The following UROC1 variants were observed in gnomAD, a reference collection of about 807,000 sequenced individuals.
UROC1 encodes urocanate hydratase 1.
In UROC1, 79 loss-of-function variants were observed where a neutral mutation model predicts 89.5. That is an observed-to-expected ratio of 0.88 (90% CI 0.74 to 1.06). The LOEUF (loss-of-function observed/expected upper bound fraction) is 1.06, where lower values mean the gene tolerates loss of function less well. Among genes scored for constraint, UROC1 ranks in the 50% least tolerant of loss-of-function variants. The pLI is 0.00. For missense variants in UROC1, 885 were observed against 907.8 expected, an observed-to-expected ratio of 0.97 and a Z score of 0.32; for synonymous variants, 361 against 354.8, an observed-to-expected ratio of 1.02 and a Z score of -0.20.
chr3:126,513,060 C>T (rs1009036585), intron 1 of UROC1, among the ~76,000 whole-genome samples: 18 of 152,196 alleles, frequency 1.2e-4, no homozygotes, highest in Admixed American at 7.2e-4. Context: ...GCCAGGCGCA[C>T]GCCTGTCCTG....
chr3:126,500,023 C>T, intron 12 of UROC1, 34 bp downstream of exon 12: 2 of 1,584,476 alleles, frequency 1.3e-6, no homozygotes, highest in South Asian at 2.2e-5. Flanking sequence ...AGGGTGGTGG[C>T]CCCTCCCTCC....
chr3:126,501,004 T>C, intron 10 of UROC1, 130 bp from the exon 11 acceptor site: 1 of 1,387,124 alleles, frequency 7.2e-7, no homozygotes, highest in Non-Finnish European at 1.0e-6. Flanking sequence ...AGCCAGACCC[T>C]GCTTTCCCCC....
chr3:126,497,539 G>A (rs1202837987), intron 14 of UROC1, among the ~76,000 whole-genome samples: 6 of 152,224 alleles, frequency 3.9e-5, no homozygotes, highest in Non-Finnish European at 8.8e-5. Context: ...GGGAGCATGT[G>A]GAGACAGCTT....
chr3:126,517,664 TTC>T lies in UROC1; in HGVS notation c.54_55del (p.Asn19ProfsTer65). 1 of 1,608,112 alleles carries T rather than the reference TTC, an allele frequency of 6.2e-7. No homozygotes were observed. Among genetic ancestry groups the T allele is most frequent in the Non-Finnish European group, 8.5e-7 (1 of 1,178,040 alleles). On this transcript the variant is annotated frameshift_variant, in exon 1 of 20. Coordinates refer to ENST00000290868, the MANE Select transcript of UROC1 (RefSeq NM_144639.3). LOFTEE classifies it high-confidence loss of function. ...GGGCACCCCAGCCTGGCGTCCCCGG[TTC>T]TCTGGGAGGGGCCGCAGGGGCAGGC...
chr3:126,500,312 CT>C (rs1319149770), intron 11 of UROC1, among the ~76,000 whole-genome samples, 158 bp from the exon 12 acceptor site: 3 of 152,222 alleles, frequency 2.0e-5, no homozygotes, highest in Admixed American at 6.5e-5. Flanking sequence ...TGGAATGCCC[CT>C]GCCCCTGTCA....
At chr3:126,501,131 G>T in intron 10 of UROC1, 87 bp downstream of exon 10, 1 of 1,411,486 alleles carries the variant, frequency 7.1e-7, no homozygotes, top group South Asian at 1.2e-5. Flanking sequence ...TTTGTGTCCT[G>T]GCAGCTCCTG....
chr3:126,492,387 G>A (rs1434511398), intron 16 of UROC1, 31 bp downstream of exon 16: 8 of 1,598,092 alleles, frequency 5.0e-6, no homozygotes, highest in Non-Finnish European at 1.7e-6. Context: ...GAGGCTGAGG[G>A]ATGCTTCCCC....
chr3:126,516,879 C>T (rs999425280), intron 1 of UROC1, among the ~76,000 whole-genome samples: 2 of 151,366 alleles, frequency 1.3e-5, no homozygotes, highest in African/African-American at 4.9e-5. Context: ...AATCTTTATG[C>T]TTGTTTGCAG....
intron 11 of UROC1, 139 bp from the exon 12 acceptor site, chr3:126,500,293 C>T: frequency 1.2e-6 from 1 of 817,026 alleles, no homozygotes; most frequent in Non-Finnish European, 2.0e-6. Context: ...CGGGTCGGCA[C>T]CACACACCTG....
At chr3:126,498,652 C>G (rs902093891) in intron 13 of UROC1, among the ~76,000 whole-genome samples, 2 of 152,038 alleles carry the variant, frequency 1.3e-5, no homozygotes, top group Non-Finnish European at 2.9e-5. Flanking sequence ...GGTGCCTCCT[C>G]CTGGGCAGCC....
intron 19 of UROC1, 60 bp from the exon 20 acceptor site, chr3:126,482,545 T>C (rs767252191): frequency 5.8e-5 from 93 of 1,612,490 alleles, no homozygotes; most frequent in Middle Eastern, 3.3e-4. Flanking sequence ...CACGTGAGTC[T>C]TGGCTCCCAC....
At position 126,496,069 on chromosome 3, in the gene UROC1, C is replaced by T. The variant is rs762927115; in HGVS notation, c.1478G>A (p.Arg493His). The T allele has an allele frequency of 4.0e-5, 65 of 1,613,306 alleles. No individual in the cohort carries two copies. The highest frequency in any genetic ancestry group is 2.2e-4 in the East Asian group (10 of 44,884). Residue 493 changes from arginine to histidine, a missense_variant, in exon 15 of 20, where the codon CGC becomes CAC. Arg to His is a conservative substitution (Grantham distance 29). Transcript: ENST00000290868. ...GTGCCTGGCGGCCTCCCGGATCCAGCGGATGTTGTCCATGTACTGCAGCTT... is the reference window on the plus strand; with the variant it reads ...GTGCCTGGCGGCCTCCCGGATCCAGTGGATGTTGTCCATGTACTGCAGCTT... ...SVKLQYMDNI[R>H]WIREAARHRL...
chr3:126,490,612 G>T (rs143641876), intron 16 of UROC1, among the ~76,000 whole-genome samples: 26 of 152,226 alleles, frequency 1.7e-4, no homozygotes, highest in Non-Finnish European at 2.8e-4. Context: ...TTTAATCTGG[G>T]GGGTGGAGGT....
intron 13 of UROC1, among the ~76,000 whole-genome samples, chr3:126,498,408 C>T (rs888648594): frequency 6.6e-6 from 1 of 152,142 alleles, no homozygotes; most frequent in African/African-American, 2.4e-5. Context: ...GAGTGGGGAG[C>T]TGGGACCTGG....
chr3:126,492,520 A>G lies in UROC1; in HGVS notation c.1510-4T>C. The G allele has an allele frequency of 6.2e-7, 1 of 1,610,352 alleles. No individual in the cohort carries two copies. The highest frequency in any genetic ancestry group is 8.5e-7 in the Non-Finnish European group (1 of 1,179,374). On this transcript the variant is annotated splice_polypyrimidine_tract_variant and splice_region_variant and intron_variant, in intron 15 of 19. Coordinates refer to ENST00000290868, the MANE Select transcript of UROC1 (RefSeq NM_144639.3). ...TCCTTGCCTGGGAGCCCACCACCTG[A>G]GGAGAGAAGGGCAACTGGCATCTCA...
At position 126,500,221 on chromosome 3, in the gene UROC1, A is replaced by G; in HGVS notation, c.1146-67T>C. ...GGGGCCTCCCCAATGTGGCACCCTC[A>G]GTCGCACCCGCCATGCTCCCCACCA... On this transcript the variant is annotated intron_variant, in intron 11 of 19. Coordinates refer to ENST00000290868, the MANE Select transcript of UROC1 (RefSeq NM_144639.3). The G allele has an allele frequency of 3.3e-6, 5 of 1,496,318 alleles. No homozygotes were observed. The South Asian group carries it at 3.4e-5, about 10-fold the overall frequency. 92.7% of individuals were successfully genotyped at this position (1,496,318 alleles called of 1,614,324 possible).
At chr3:126,508,178 C>T in intron 4 of UROC1, 83 bp from the exon 5 acceptor site, 1 of 1,609,588 alleles carries the variant, frequency 6.2e-7, no homozygotes, top group African/African-American at 1.3e-5. Flanking sequence ...CACGCCTGGA[C>T]AGCTCCCACA....
At chr3:126,501,830 C>T in intron 9 of UROC1, 1 of 1,599,408 alleles carries the variant, frequency 6.3e-7, no homozygotes, top group Middle Eastern at 1.7e-4. Context: ...CCCGAGGGAG[C>T]CAGGCACCTC....
At chr3:126,495,818 C>T (rs997485537) in intron 15 of UROC1, among the ~76,000 whole-genome samples, 7 of 152,224 alleles carry the variant, frequency 4.6e-5, no homozygotes, top group Admixed American at 2.6e-4. Context: ...TAAAGGTCCC[C>T]GGCTTCTTTC....
Sources: allele counts gnomAD v4.1 joint callset (sites outside exome capture counted in the v4.1 genomes callset), GRCh38; gene constraint gnomAD v4.1.1; transcripts MANE v1.5; gene names NCBI Gene and HGNC (gene_info 2026-07-23, HGNC 2026-07-21).